The following REDIC1 variants were observed in gnomAD, a reference collection of about 807,000 sequenced individuals.
REDIC1 encodes regulator of DNA class I crossover intermediates 1.
the REDIC1 span, among the ~76,000 whole-genome samples, chr12:39,887,538 CT>C: frequency 6.6e-6 from 1 of 152,198 alleles, no homozygotes; most frequent in African/African-American, 2.4e-5. Context: ...GCCCTCACTC[CT>C]TGTGTGTATC....
chr12:39,654,786 T>C, the REDIC1 span, among the ~76,000 whole-genome samples: 1 of 152,206 alleles, frequency 6.6e-6, no homozygotes, highest in African/African-American at 2.4e-5. Context: ...TCCCCCTGTT[T>C]TATGTAAGAA....
chr12:39,713,631 G>T, the REDIC1 span, among the ~76,000 whole-genome samples: 17 of 148,582 alleles, frequency 1.1e-4, no homozygotes, highest in Non-Finnish European at 2.0e-4. Flanking sequence ...CATGTATACA[G>T]TACATATGTA....
the REDIC1 span, among the ~76,000 whole-genome samples, chr12:39,871,143 T>G: frequency 6.6e-6 from 1 of 152,278 alleles, no homozygotes; most frequent in Non-Finnish European, 1.5e-5. Context: ...GTGGGTCTCA[T>G]TCTATCAATG....
At chr12:39,822,174 G>GT in the REDIC1 span, among the ~76,000 whole-genome samples, 6 of 149,352 alleles carry the variant, frequency 4.0e-5, no homozygotes, top group African/African-American at 1.2e-4. Context: ...GCGGTGTTTG[G>GT]TTTTTTCTTC....
chr12:39,742,163 G>C, the REDIC1 span, among the ~76,000 whole-genome samples: 1 of 152,112 alleles, frequency 6.6e-6, no homozygotes, highest in Non-Finnish European at 1.5e-5. Context: ...GGTCCACTCG[G>C]TCAGTGGGGG....
At chr12:39,633,521 A>C in the REDIC1 span, among the ~76,000 whole-genome samples, 1 of 152,228 alleles carries the variant, frequency 6.6e-6, no homozygotes, top group African/African-American at 2.4e-5. Context: ...TAAAATAAGT[A>C]TAGTAATAAT....
At chr12:39,859,199 C>G in the REDIC1 span, among the ~76,000 whole-genome samples, 2,195 of 151,396 alleles carry the variant, frequency 0.014, 27 homozygotes, top group Middle Eastern at 0.024. Flanking sequence ...GAAACTATCA[C>G]TATACAGAAA....
the REDIC1 span, among the ~76,000 whole-genome samples, chr12:39,878,405 G>A: frequency 7.9e-5 from 12 of 152,172 alleles, no homozygotes; most frequent in African/African-American, 2.9e-4. Flanking sequence ...TGATATGGAC[G>A]GTGAAGTCTA....
the REDIC1 span, among the ~76,000 whole-genome samples, chr12:39,850,727 T>A: frequency 6.6e-6 from 1 of 152,244 alleles, no homozygotes; most frequent in African/African-American, 2.4e-5. Flanking sequence ...CCAAATTTGA[T>A]TACACAGGCC....
chr12:39,847,867 C>T, the REDIC1 span, among the ~76,000 whole-genome samples: 1 of 152,114 alleles, frequency 6.6e-6, no homozygotes, highest in Admixed American at 6.6e-5. Flanking sequence ...CTACCCAAGT[C>T]TCCAACATCT....
chr12:39,700,380 T>G, the REDIC1 span, among the ~76,000 whole-genome samples: 2,479 of 151,990 alleles, frequency 0.016, 66 homozygotes, highest in African/African-American at 0.054. Flanking sequence ...AAGGGAAGTT[T>G]AGAGAAAAAA....
the REDIC1 span, among the ~76,000 whole-genome samples, chr12:39,723,808 AG>A: frequency 1.3e-5 from 2 of 152,160 alleles, no homozygotes; most frequent in Non-Finnish European, 2.9e-5. Context: ...CAACAACTCT[AG>A]GAAGTTTCCA....
the REDIC1 span, among the ~76,000 whole-genome samples, chr12:39,678,629 C>CAAAAAAAAAAAAAAA: frequency 2.1e-5 from 2 of 96,204 alleles, no homozygotes; most frequent in African/African-American, 4.0e-5. Flanking sequence ...AAAGGCATAA[C>CAAAAAAAAAAAAAAA]AAAAAAAAAA....
At chr12:39,678,981 C>A in the REDIC1 span, among the ~76,000 whole-genome samples, 3 of 152,160 alleles carry the variant, frequency 2.0e-5, no homozygotes, top group African/African-American at 7.2e-5. Flanking sequence ...GACACACCCA[C>A]AGCCAGCATT....
At chr12:39,650,952 G>A in the REDIC1 span, among the ~76,000 whole-genome samples, 1 of 152,100 alleles carries the variant, frequency 6.6e-6, no homozygotes, top group Non-Finnish European at 1.5e-5. This position sits in a 1 kb window ranked among gnomAD's most constrained non-coding sequence, Gnocchi z 4.3. Context: ...TTTCACATTT[G>A]TGGTAGTTGA....
chr12:39,824,461 G>T, the REDIC1 span, among the ~76,000 whole-genome samples: 1 of 152,210 alleles, frequency 6.6e-6, no homozygotes, highest in African/African-American at 2.4e-5. Flanking sequence ...CTCAGAGCTT[G>T]GGGGATTCTT....
At chr12:39,722,190 T>A in the REDIC1 span, among the ~76,000 whole-genome samples, 2 of 151,854 alleles carry the variant, frequency 1.3e-5, no homozygotes, top group South Asian at 4.1e-4. Context: ...CACTCAAGAG[T>A]CTGTGTTGCA....
At chr12:39,660,826 C>T in the REDIC1 span, among the ~76,000 whole-genome samples, 1 of 152,062 alleles carries the variant, frequency 6.6e-6, no homozygotes, top group Non-Finnish European at 1.5e-5. Flanking sequence ...GCACACATAT[C>T]TACATCCTTC....
chr12:39,896,256 GTATATGTGTGTATATATGTA>G, the REDIC1 span, among the ~76,000 whole-genome samples: 2 of 88,844 alleles, frequency 2.3e-5, no homozygotes, highest in Admixed American at 1.2e-4. Flanking sequence ...ATACATGTAT[GTATATGTGTGTATATATGTA>G]TACATGTATG....
Sources: gnomAD v4.1 joint callset for allele counts (sites outside exome capture counted in the v4.1 genomes callset) on GRCh38, gnomAD v4.1.1 for gene constraint, Gnocchi (gnomAD v3.1) non-coding constraint, MANE v1.5 for transcripts, NCBI Gene and HGNC (gene_info 2026-07-23, HGNC 2026-07-21) for gene names.